KIF26B: variants seen among roughly 807,000 people sequenced by gnomAD.
The protein encoded by KIF26B is kinesin family member 26B, also known as kinesin-like protein KIF26B.
A neutral mutation model predicts 151.2 loss-of-function variants in KIF26B; 63 were observed. That is an observed-to-expected ratio of 0.42 (90% confidence interval 0.34 to 0.51). The LOEUF is 0.51. Among genes scored for constraint, KIF26B ranks in the 20% least tolerant of loss-of-function variants. The pLI is 0.07. For synonymous variants in KIF26B, 1,357 were observed against 1,262.1 expected, an observed-to-expected ratio of 1.08 and a Z score of -1.59; for missense variants, 2,813 against 2,913.6, an observed-to-expected ratio of 0.97 and a Z score of 0.79.
intron 2 of KIF26B, among the ~76,000 whole-genome samples, chr1:245,219,914 C>G (rs1669729934): frequency 6.6e-6 from 1 of 152,030 alleles, no homozygotes; most frequent in Non-Finnish European, 1.5e-5. Context: ...ATCTAGGCCT[C>G]AAAAGACTAT....
intron 4 of KIF26B, among the ~76,000 whole-genome samples, chr1:245,474,275 A>T (rs1292094562): frequency 6.6e-6 from 1 of 150,382 alleles, no homozygotes; most frequent in Admixed American, 6.7e-5. Context: ...CATCTGGCTA[A>T]TTTTTTGTAT....
chr1:245,696,953 T>A (rs1455565568), intron 12 of KIF26B, among the ~76,000 whole-genome samples: 1 of 152,026 alleles, frequency 6.6e-6, no homozygotes, highest in Non-Finnish European at 1.5e-5. Flanking sequence ...CTACTAAAAA[T>A]ACAAAAAATT....
At chr1:245,199,709 C>G (rs755720188) in intron 2 of KIF26B, among the ~76,000 whole-genome samples, 1 of 152,142 alleles carries the variant, frequency 6.6e-6, no homozygotes, top group African/African-American at 2.4e-5. Flanking sequence ...GTCGCAAACT[C>G]CTGGCCTTAA....
At chr1:245,465,590 C>A (rs956347036) in intron 4 of KIF26B, among the ~76,000 whole-genome samples, 2 of 152,226 alleles carry the variant, frequency 1.3e-5, no homozygotes, top group Non-Finnish European at 2.9e-5. Context: ...GCCTTTAGCA[C>A]GTAGATATTC....
At chr1:245,324,625 T>G (rs1312145820) in intron 2 of KIF26B, among the ~76,000 whole-genome samples, 1 of 152,160 alleles carries the variant, frequency 6.6e-6, no homozygotes, top group Non-Finnish European at 1.5e-5. Context: ...CATTTGTCTA[T>G]CTTCCTTCCC....
chr1:245,299,203 C>G (rs1292357270), intron 2 of KIF26B, among the ~76,000 whole-genome samples: 1 of 152,086 alleles, frequency 6.6e-6, no homozygotes, highest in East Asian at 1.9e-4. Context: ...TTGGTGCCAG[C>G]CTTTACTACC....
chr1:245,344,676 C>A (rs1208289208), intron 2 of KIF26B, among the ~76,000 whole-genome samples: 1 of 151,850 alleles, frequency 6.6e-6, no homozygotes, highest in Non-Finnish European at 1.5e-5. Flanking sequence ...AGTTCTTCTG[C>A]TGGGATGCTG....
At chr1:245,293,268 G>A (rs1671284798) in intron 2 of KIF26B, among the ~76,000 whole-genome samples, 2 of 152,070 alleles carry the variant, frequency 1.3e-5, no homozygotes, top group African/African-American at 4.8e-5. Flanking sequence ...CTGAGTCTGG[G>A]GAGCTGGCAG....
chr1:245,350,499 C>G (rs1301524340), intron 2 of KIF26B, among the ~76,000 whole-genome samples: 1 of 152,184 alleles, frequency 6.6e-6, no homozygotes, highest in Non-Finnish European at 1.5e-5. Context: ...AAGTGTCCTT[C>G]TCATCTTTGG....
chr1:245,640,885 AGTT>A (rs2103180945), intron 9 of KIF26B, among the ~76,000 whole-genome samples: 1 of 152,288 alleles, frequency 6.6e-6, no homozygotes, highest in South Asian at 2.1e-4. Context: ...AAAATTTTAT[AGTT>A]GTTATTTTTA....
At chr1:245,585,207 T>A (rs148307197) in intron 5 of KIF26B, among the ~76,000 whole-genome samples, 44 of 152,314 alleles carry the variant, frequency 2.9e-4, no homozygotes, top group African/African-American at 9.9e-4. Flanking sequence ...TGTTTCAACA[T>A]GAAGTCTGAG....
chr1:245,304,445 G>T (rs950478990), intron 2 of KIF26B, among the ~76,000 whole-genome samples: 2 of 152,200 alleles, frequency 1.3e-5, no homozygotes, highest in East Asian at 3.9e-4. Flanking sequence ...GAAACAAAAT[G>T]CAGTTGGTAT....
intron 2 of KIF26B, among the ~76,000 whole-genome samples, chr1:245,268,255 G>C (rs10924141): frequency 0.38 from 57,708 of 151,494 alleles, 11,306 homozygotes; most frequent in East Asian, 0.59. Context: ...GGATCACAAG[G>C]TCAGGAGATC....
intron 9 of KIF26B, among the ~76,000 whole-genome samples, chr1:245,623,535 A>G (rs1208577553): frequency 6.6e-6 from 1 of 152,204 alleles, no homozygotes; most frequent in Non-Finnish European, 1.5e-5. Flanking sequence ...ATTACAAATA[A>G]AAGTACTAAA....
rs1421433093 is a variant in KIF26B at position 245,356,774 on chromosome 1, G to A, written c.466-10060G>A. 3.3e-5 allele frequency among the ~76,000 whole-genome samples: 5 copies of A among 152,132 alleles called. No individual in the cohort carries two copies. In the East Asian group the frequency reaches 9.6e-4, roughly 29 times the overall value. On this transcript the variant is annotated intron_variant, in intron 2 of 14. Transcript: ENST00000407071. ...TCACCTAGTTTATATTTTGCAGGGG[G>A]AGACAGACAATGAACGGAATGTAGT...
At chr1:245,636,870 G>C (rs1194135288) in intron 9 of KIF26B, among the ~76,000 whole-genome samples, 2 of 151,762 alleles carry the variant, frequency 1.3e-5, no homozygotes, top group African/African-American at 4.8e-5. Context: ...TTGTGTGTGT[G>C]TGTGTGTGTG....
chr1:245,308,441 G>A (rs1433692991), intron 2 of KIF26B, among the ~76,000 whole-genome samples: 2 of 152,162 alleles, frequency 1.3e-5, no homozygotes, highest in East Asian at 1.9e-4. Flanking sequence ...CTATGTGCTC[G>A]TGAAGACACG....
intron 5 of KIF26B, among the ~76,000 whole-genome samples, chr1:245,577,865 C>T (rs535124933): frequency 6.7e-6 from 1 of 149,588 alleles, no homozygotes; most frequent in South Asian, 2.1e-4. Context: ...CCGGGCGATG[C>T]ATCCCCTCAC....
intron 5 of KIF26B, among the ~76,000 whole-genome samples, chr1:245,556,872 C>T (rs1287837444): frequency 6.6e-6 from 1 of 152,018 alleles, no homozygotes; most frequent in Non-Finnish European, 1.5e-5. Flanking sequence ...TGTTTTGTTT[C>T]TGCCTTTCCC....
Sources: gnomAD v4.1 joint callset for allele counts (sites outside exome capture counted in the v4.1 genomes callset) on GRCh38, gnomAD v4.1.1 for gene constraint, MANE v1.5 for transcripts, NCBI Gene and HGNC (gene_info 2026-07-23, HGNC 2026-07-21) for gene names.